CCDC186: variants seen among roughly 807,000 people sequenced by gnomAD.
CCDC186 encodes the protein coiled-coil domain containing 186, also known as coiled-coil domain-containing protein 186.
CCDC186 carries 49 observed loss-of-function variants against 113.7 expected under a neutral mutation model. The ratio of observed to expected loss-of-function variants is 0.43; its 90% CI spans 0.34 to 0.55. The LOEUF is 0.55. Among genes scored for constraint, CCDC186 ranks in the 20% least tolerant of loss-of-function variants. The pLI is 0.02. For synonymous variants in CCDC186, 355 were observed against 345.8 expected, an observed-to-expected ratio of 1.03 and a Z score of -0.30; for missense variants, 890 against 1,011.1, an observed-to-expected ratio of 0.88 and a Z score of 1.62.
At chr10:114,131,871 G>A in intron 11 of CCDC186, 58 bp downstream of exon 11, 3 of 1,459,264 alleles carry the variant, frequency 2.1e-6, no homozygotes, top group South Asian at 1.4e-5. Context: ...TATACTGTTA[G>A]GGAAATTTAA....
intron 6 of CCDC186, among the ~76,000 whole-genome samples, chr10:114,142,735 C>T (rs2031509770): frequency 6.6e-6 from 1 of 152,130 alleles, no homozygotes; most frequent in South Asian, 2.1e-4. Context: ...ACAATGGATC[C>T]AGTAAGCTAC....
At chr10:114,155,129 T>C (rs1480299377) in intron 3 of CCDC186, among the ~76,000 whole-genome samples, 3 of 152,216 alleles carry the variant, frequency 2.0e-5, no homozygotes, top group Admixed American at 1.3e-4. Context: ...TGTGTTGCAT[T>C]TCTTTTTGGG....
chr10:114,152,961 A>C (rs1484240500), intron 3 of CCDC186, among the ~76,000 whole-genome samples: 1 of 152,250 alleles, frequency 6.6e-6, no homozygotes, highest in African/African-American at 2.4e-5. Flanking sequence ...CTAAGAATGT[A>C]GCATCAAAAT....
chr10:114,147,905 G>C (rs1249675252), intron 4 of CCDC186, among the ~76,000 whole-genome samples: 2 of 152,122 alleles, frequency 1.3e-5, no homozygotes, highest in Non-Finnish European at 2.9e-5. Context: ...GAGGTGAGCA[G>C]ATCGCCTGAG....
At chr10:114,165,900 C>A in intron 1 of CCDC186, 1 of 979,502 alleles carries the variant, frequency 1.0e-6, no homozygotes, top group Non-Finnish European at 1.2e-6. Context: ...CAAATTATAC[C>A]TCTTCATGCC....
rs1205682825 is a variant in CCDC186 at position 114,136,242 on chromosome 10, G to A, written c.1331C>T (p.Ser444Leu). The change falls in exon 8 of 16, where the codon TCA becomes TTA. Residue 444 changes from serine to leucine, a missense_variant. Physicochemically the swap from Ser to Leu is moderately radical, Grantham distance 145. Transcript: ENST00000369287. Reference protein sequence around the residue: ...CQDMIKTYQESEEIKSNELDA... With the variant: ...CQDMIKTYQELEEIKSNELDA... ...AAGCTCATTTGATTTAATTTCTTCT[G>A]ACTCCTAGTGGAAAGAAAACAAAAA... 5 of 1,608,160 alleles carry A rather than the reference G, an allele frequency of 3.1e-6. No homozygotes were observed. Among genetic ancestry groups the A allele is most frequent in the Non-Finnish European group, 4.2e-6 (5 of 1,178,454 alleles).
chr10:114,168,436 A>G (rs2032396587), intron 1 of CCDC186, among the ~76,000 whole-genome samples: 1 of 152,228 alleles, frequency 6.6e-6, no homozygotes, highest in African/African-American at 2.4e-5. Flanking sequence ...TATAAACAAC[A>G]AAAAATTTAG....
At chr10:114,127,749 C>T in intron 13 of CCDC186, 78 bp from the exon 14 acceptor site, 4 of 1,241,266 alleles carry the variant, frequency 3.2e-6, no homozygotes, top group Non-Finnish European at 4.5e-6. Context: ...CTTATTCCAG[C>T]ATCATTTCAA....
rs779500526 is a variant in CCDC186, at chr10:114,145,542, G to A, written c.1101+7C>T. 1.6e-5 allele frequency: 25 copies of A among 1,591,466 alleles called. No individual in the cohort carries two copies. Among genetic ancestry groups the A allele is most frequent in the South Asian group, 2.3e-5 (2 of 86,352 alleles). ...GGTCAACATATTTCAAATGGCACAA[G>A]TTATACCTTAGTTTCATACAGCTGG... is the stretch of plus-strand genomic sequence containing the variant. On this transcript the variant is annotated splice_region_variant and intron_variant, in intron 5 of 15. Transcript: ENST00000369287.
rs575755846 is a variant in CCDC186 at position 114,124,272 on chromosome 10, T to C, written c.*871A>G. On this transcript the variant is annotated 3_prime_UTR_variant, in exon 16 of 16. Coordinates refer to ENST00000369287, the MANE Select transcript of CCDC186 (RefSeq NM_018017.4). ...AATGGTGCTCAAATGAAATAGTTTA[T>C]AGTGCCATATGCTGGTTTCTTTTGG... 2 of 152,158 alleles carry C rather than the reference T, an allele frequency of 1.3e-5. No homozygotes were observed. The highest frequency in any genetic ancestry group is 3.9e-4 in the East Asian group (2 of 5,192). The allele number at this position is 152,158 out of a possible 1,614,324, so 9.4% of individuals were successfully genotyped here.
At chr10:114,146,951 T>A (rs2031656910) in intron 4 of CCDC186, among the ~76,000 whole-genome samples, 1 of 152,222 alleles carries the variant, frequency 6.6e-6, no homozygotes, top group Non-Finnish European at 1.5e-5. Flanking sequence ...TAAGTAATTT[T>A]AAAAATCTCC....
intron 3 of CCDC186, among the ~76,000 whole-genome samples, chr10:114,152,474 C>A (rs190468065): frequency 6.6e-6 from 1 of 152,240 alleles, no homozygotes; most frequent in East Asian, 1.9e-4. Flanking sequence ...GGAATAAATT[C>A]CCCTCAGATA....
intron 1 of CCDC186, among the ~76,000 whole-genome samples, chr10:114,165,522 T>A (rs2032308903): frequency 6.6e-6 from 1 of 152,088 alleles, no homozygotes; most frequent in Non-Finnish European, 1.5e-5. Flanking sequence ...CGAAACCCTG[T>A]CTCTACTAAA....
At position 114,128,074 on chromosome 10, in the gene CCDC186, T is replaced by C. The variant is rs75423901; in HGVS notation, c.2183-403A>G. 8.5e-3 allele frequency among the ~76,000 whole-genome samples: 1,295 copies of C among 152,294 alleles called. 20 individuals are homozygous for C. Among genetic ancestry groups the C allele is most frequent in the African/African-American group, 0.029 (1,209 of 41,566 alleles). ...CAGCCTGTCTAGGTTCAAATACTAC[T>C]CCTCTACTTACTAACTGTGTGACTT... On this transcript the variant is annotated intron_variant, in intron 13 of 15. Transcript: ENST00000369287.
At position 114,151,038 on chromosome 10, in the gene CCDC186, CA is replaced by C. The variant is rs2031841087; in HGVS notation, c.888+53del. On this transcript the variant is annotated intron_variant, in intron 4 of 15. Coordinates refer to ENST00000369287, the MANE Select transcript of CCDC186 (RefSeq NM_018017.4). ...GTCTAACAGTGTTAGCTTATTTTAA[CA>C]AACAAGAGTCACCAGAATATCAAGT... 30 of 1,588,928 alleles carry C rather than the reference CA, an allele frequency of 1.9e-5. No individual in the cohort carries two copies. The South Asian group carries it at 3.4e-4, about 18-fold the overall frequency.
At chr10:114,170,810 C>T (rs2032473132) in intron 1 of CCDC186, among the ~76,000 whole-genome samples, 1 of 152,070 alleles carries the variant, frequency 6.6e-6, no homozygotes, top group African/African-American at 2.4e-5. Flanking sequence ...ATCACACACA[C>T]ACACACAAAG....
chr10:114,168,759 T>C (rs769341794), intron 1 of CCDC186, among the ~76,000 whole-genome samples: 2 of 152,240 alleles, frequency 1.3e-5, no homozygotes, highest in East Asian at 1.9e-4. Flanking sequence ...TACTACTACT[T>C]GGCTGCCTCT....
At position 114,125,044 on chromosome 10, in the gene CCDC186, C is replaced by G; in HGVS notation, c.*99G>C. On this transcript the variant is annotated 3_prime_UTR_variant, in exon 16 of 16. Transcript: ENST00000369287. ...CAGATGAAGCAAAACAATATTTTTACTGGCTGAAACAAAAAGTGGAACAAA... is the reference window on the plus strand; with the variant it reads ...CAGATGAAGCAAAACAATATTTTTAGTGGCTGAAACAAAAAGTGGAACAAA... The G allele has an allele frequency of 2.5e-6, 2 of 810,764 alleles. No homozygotes were observed. The highest frequency in any genetic ancestry group is 3.8e-6 in the Non-Finnish European group (2 of 519,794). 50.2% of individuals were successfully genotyped at this position (810,764 alleles called of 1,614,324 possible).
chr10:114,141,136 C>T (rs764940818), intron 6 of CCDC186, among the ~76,000 whole-genome samples: 1 of 152,018 alleles, frequency 6.6e-6, no homozygotes, highest in Non-Finnish European at 1.5e-5. Context: ...CTCAAGCAAT[C>T]CTCCCACCTC....
Sources: gnomAD v4.1 joint callset for allele counts (sites outside exome capture counted in the v4.1 genomes callset) on GRCh38, gnomAD v4.1.1 for gene constraint, MANE v1.5 for transcripts, NCBI Gene and HGNC (gene_info 2026-07-23, HGNC 2026-07-21) for gene names.